Variants in MCM6 observed in about 807,000 individuals in gnomAD.
MCM6 encodes DNA replication licensing factor MCM6.
MCM6 carries 46 observed loss-of-function variants against 94.3 expected under a neutral mutation model. The ratio of observed to expected loss-of-function variants is 0.49; its 90% CI spans 0.39 to 0.62. The LOEUF is 0.62. Ranked by LOEUF, MCM6 falls within the 20% of genes least tolerant of loss-of-function variation. The probability of loss-of-function intolerance (pLI) is 0.00; values close to 1 mark genes in which losing one functional copy is unlikely to be tolerated. For missense variants in MCM6, 865 were observed against 1,017.9 expected (o/e 0.85, Z 2.04); for synonymous variants, 335 against 351.9 (o/e 0.95, Z 0.54).
At chr2:135,857,021 C>A (rs1165770066) in intron 10 of MCM6, 138 bp from the exon 11 acceptor site, 4 of 717,172 alleles carry the variant, frequency 5.6e-6, no homozygotes, top group African/African-American at 5.4e-5. Context: ...TAAACAGGAA[C>A]TCCTATGTGA....
rs1218907197 is a variant in MCM6 at position 135,859,422 on chromosome 2, G to C, written c.1241C>G (p.Pro414Arg). The C allele has an allele frequency of 1.9e-6, 3 of 1,612,150 alleles. No homozygotes were observed. The highest frequency in any genetic ancestry group is 2.5e-6 in the Non-Finnish European group (3 of 1,179,210). ...TTTACCACTGGTGTAGACAGCTCTG[G>C]GGCTGAACTCCTCCACGTGCCTGTT... is the stretch of plus-strand genomic sequence containing the variant. ...QFLKHVEEFS[P>R]RAVYTSGKAS... Residue 414 changes from proline (P) to arginine (R), a missense_variant, in exon 9 of 17, where the codon CCC becomes CGC. By Grantham distance (103) the Pro-to-Arg change is moderately radical. Transcript: ENST00000264156.
rs765366780 is a variant in MCM6, at chr2:135,868,836, T to C, written c.390A>G (p.Arg130=). The C allele has an allele frequency of 4.0e-5, 65 of 1,613,996 alleles. No homozygotes were observed. The Middle Eastern group carries it at 4.9e-4, about 12-fold the overall frequency. ...RHKIRELTSS[R]IGLLTRISGQ... ...CACTGATGCGAGTGAGCAAACCAAT[T>C]CTGGATGAGGTGAGCTCTCGAATCC... The change falls in exon 4 of 17, where the codon AGA becomes AGG. Residue 130 remains arginine (R), a synonymous_variant. Transcript: ENST00000264156.
At chr2:135,851,592 A>T in intron 12 of MCM6, 29 bp from the exon 13 acceptor site, 1 of 1,555,708 alleles carries the variant, frequency 6.4e-7, no homozygotes, top group Non-Finnish European at 8.7e-7. Context: ...CAAGTTAGAG[A>T]AACATTTCTA....
chr2:135,842,868 T>C (rs1354050125), intron 16 of MCM6, among the ~76,000 whole-genome samples: 5 of 152,238 alleles, frequency 3.3e-5, no homozygotes, highest in African/African-American at 9.6e-5. Context: ...CACTGTATAA[T>C]AGTTCTGCAG....
rs17853042 is a variant in MCM6 at position 135,848,066 on chromosome 2, A to G, written c.2040T>C (p.Ala680=). Residue 680 remains alanine (A), a synonymous_variant, in exon 14 of 17, where the codon GCT becomes GCC. Transcript: ENST00000264156. ...CAAGTATCTCACCATTGATGCCACC[A>G]GCACCCTCATCTACCTCCATCTGGA... ...EEIQMEVDEG[A]GGINGHADSP... The G allele has an allele frequency of 1.1e-5, 18 of 1,611,048 alleles. No individual in the cohort carries two copies. In the East Asian group the frequency reaches 3.1e-4, roughly 28 times the overall value.
chr2:135,859,292 T>C lies in MCM6; in HGVS notation c.1362+9A>G. ...CTTCTTTATACTGAAGAGTGTAAAA[T>C]GTTCTTACATTATCAGCCAACATCA... On this transcript the variant is annotated intron_variant, in intron 9 of 16. Transcript: ENST00000264156. 6.2e-7 allele frequency: 1 copy of C among 1,610,238 alleles called. No individual in the cohort carries two copies. Among genetic ancestry groups the C allele is most frequent in the Non-Finnish European group, 8.5e-7 (1 of 1,177,574 alleles).
intron 4 of MCM6, among the ~76,000 whole-genome samples, chr2:135,867,305 A>G (rs568142720): frequency 6.6e-6 from 1 of 152,194 alleles, no homozygotes; most frequent in Non-Finnish European, 1.5e-5. Flanking sequence ...ATAAAATTAC[A>G]TATCTTCTAT....
chr2:135,864,930 A>C (rs914106049), intron 7 of MCM6, 83 bp downstream of exon 7: 10 of 1,105,794 alleles, frequency 9.0e-6, no homozygotes, highest in Non-Finnish European at 1.2e-5. Flanking sequence ...AGTCTGATTT[A>C]TGTGCTTTCA....
intron 8 of MCM6, among the ~76,000 whole-genome samples, chr2:135,861,863 G>A (rs868035041): frequency 3.9e-5 from 6 of 152,136 alleles, no homozygotes; most frequent in Non-Finnish European, 8.8e-5. Context: ...TGATCCGCCC[G>A]CCTTGATTTC....
intron 3 of MCM6, 51 bp from the exon 4 acceptor site, chr2:135,868,911 A>G: frequency 1.3e-6 from 2 of 1,553,956 alleles, no homozygotes; most frequent in Non-Finnish European, 1.8e-6. Flanking sequence ...TTAACTAAGA[A>G]TCTTTCCATT....
intron 8 of MCM6, among the ~76,000 whole-genome samples, chr2:135,859,801 A>C (rs1679955962): frequency 6.6e-6 from 1 of 151,362 alleles, no homozygotes; most frequent in Admixed American, 6.6e-5. Flanking sequence ...TACCTGATAA[A>C]AATATCAATT....
At position 135,866,202 on chromosome 2, in the gene MCM6, G is replaced by T; in HGVS notation, c.857C>A (p.Ala286Asp). The T allele has an allele frequency of 6.2e-7, 1 of 1,614,194 alleles. No homozygotes were observed. Among genetic ancestry groups the T allele is most frequent in the Non-Finnish European group, 8.5e-7 (1 of 1,180,042 alleles). Residue 286 changes from alanine (A) to aspartate (D), a missense_variant, in exon 6 of 17, where the codon GCC becomes GAC. By Grantham distance (126) the Ala-to-Asp change is moderately radical. This residue lies in a region of MCM6 where 404 missense variants were observed against 451.9 expected (regional missense o/e 0.89). Transcript: ENST00000264156. Reference sequence around the variant, plus strand: ...ATAAGAAAGGTCCCTAACACCAAGGGCCCGGAGTCCTCGAATGCCTTCTGT... The same window carrying T: ...ATAAGAAAGGTCCCTAACACCAAGGTCCCGGAGTCCTCGAATGCCTTCTGT... ...YETEGIRGLR[A>D]LGVRDLSYRL...
Position 135,840,595 on chromosome 2 carries a change from T to C in MCM6, c.*240A>G. On this transcript the variant is annotated 3_prime_UTR_variant, in exon 17 of 17. Transcript: ENST00000264156. ...TATTGGTTATAGAGACTACACATTA[T>C]TTGGTTCCAACTTCACTGGGACAGG... 4.2e-6 allele frequency: 2 copies of C among 471,398 alleles called. No individual in the cohort carries two copies. Among genetic ancestry groups the C allele is most frequent in the Non-Finnish European group, 3.8e-6 (1 of 260,888 alleles). The allele number at this position is 471,398 out of a possible 1,614,324, so 29.2% of individuals were successfully genotyped here.
chr2:135,852,453 C>G (rs111227631), intron 12 of MCM6, among the ~76,000 whole-genome samples: 100 of 152,212 alleles, frequency 6.6e-4, no homozygotes, highest in African/African-American at 2.3e-3. Flanking sequence ...AAAGATTCAA[C>G]TATTGATTTA....
chr2:135,870,107 C>A, intron 3 of MCM6, 144 bp downstream of exon 3: 1 of 566,494 alleles, frequency 1.8e-6, no homozygotes, highest in Non-Finnish European at 3.2e-6. Context: ...GAAACTGAGG[C>A]TCAGGGAGGT....
chr2:135,866,547 G>A lies in MCM6; in HGVS notation c.781+16C>T. On this transcript the variant is annotated intron_variant, in intron 5 of 16. Coordinates refer to ENST00000264156, the MANE Select transcript of MCM6 (RefSeq NM_005915.6). ...GTAACTGAGAATTTGTTAAATTTGAGCCACAGATTACTGACCTGGTGTGCT... is the reference window on the plus strand; with the variant it reads ...GTAACTGAGAATTTGTTAAATTTGAACCACAGATTACTGACCTGGTGTGCT... The A allele has an allele frequency of 1.1e-5, 17 of 1,596,756 alleles. No individual in the cohort carries two copies. The highest frequency in any genetic ancestry group is 1.3e-5 in the Non-Finnish European group (15 of 1,173,544).
At chr2:135,864,646 T>C (rs309176) in intron 7 of MCM6, among the ~76,000 whole-genome samples, 76,201 of 152,028 alleles carry the variant, frequency 0.5, 23,211 homozygotes, top group Non-Finnish European at 0.7. Flanking sequence ...TAATAAAACT[T>C]ATCATTTTAA....
At chr2:135,854,352 A>G (rs1679831793) in intron 11 of MCM6, among the ~76,000 whole-genome samples, 1 of 152,034 alleles carries the variant, frequency 6.6e-6, no homozygotes, top group African/African-American at 2.4e-5. Context: ...CAATAAAGTG[A>G]AACCCCGTCT....
In MCM6 at chr2:135,866,125, G is replaced by A. The variant is rs778651894; in HGVS notation, c.927+7C>T. ...AAAAACAAACAAAAACCCCCAAAAC[G>A]ACTGACCCTTGGGTTGGTTGGCGCA... On this transcript the variant is annotated splice_region_variant and intron_variant, in intron 6 of 16. Transcript: ENST00000264156. 3 of 1,613,386 alleles carry A rather than the reference G, an allele frequency of 1.9e-6. No individual in the cohort carries two copies. The highest frequency in any genetic ancestry group is 2.2e-5 in the East Asian group (1 of 44,860).
Sources: gnomAD v4.1 joint callset for allele counts (sites outside exome capture counted in the v4.1 genomes callset) on GRCh38, gnomAD v4.1.1 for gene constraint, gnomAD v4.1.1 regional missense constraint, MANE v1.5 for transcripts, NCBI Gene and HGNC (gene_info 2026-07-23, HGNC 2026-07-21) for gene names.